Variants in POU6F2 observed in about 807,000 individuals in gnomAD.
POU6F2 encodes POU domain, class 6, transcription factor 2.
A neutral mutation model predicts 71.3 loss-of-function variants in POU6F2; 31 were observed. The observed-to-expected ratio is 0.43, with a 90% CI of 0.33 to 0.59. The LOEUF (loss-of-function observed/expected upper bound fraction) is 0.59. POU6F2 is among the 20% of genes least tolerant of loss of function. The pLI, the probability that POU6F2 is intolerant of heterozygous loss-of-function variation, is 0.04. For synonymous variants in POU6F2, 347 were observed against 355.7 expected (o/e 0.98, Z 0.27); for missense variants, 783 against 856.8 (o/e 0.91, Z 1.07).
rs1040499160 is a variant in POU6F2 at position 39,339,753 on chromosome 7, C to G, written c.710C>G (p.Ala237Gly). ...PPSTNQHPQP[A>G]PQAPSQSQQQ... ...TCAACCAACCAGCACCCGCAACCAG[C>G]CCCACAGGCGCCCTCGCAGTCCCAG... The change falls in exon 5 of 10, where the codon GCC becomes GGC. Residue 237 changes from alanine to glycine, a missense_variant. Physicochemically the swap from Ala to Gly is moderately conservative, Grantham distance 60 (BLOSUM62 0). Coordinates refer to ENST00000518318, the MANE Select transcript of POU6F2 (RefSeq NM_001370959.1). 1 of 1,597,910 alleles carries G rather than the reference C, an allele frequency of 6.3e-7. No individual in the cohort carries two copies.
intron 4 of POU6F2, among the ~76,000 whole-genome samples, chr7:39,286,598 A>C (rs1023680476): frequency 6.6e-6 from 1 of 152,146 alleles, no homozygotes; most frequent in Non-Finnish European, 1.5e-5. Flanking sequence ...TGGACAGGTC[A>C]GATTGTTAGA....
In POU6F2 at chr7:39,460,647, C is replaced by G. The variant is rs747752059; in HGVS notation, c.1590C>G (p.Thr530=). Residue 530 remains threonine (T), a synonymous_variant, in exon 9 of 10, where the codon ACC becomes ACG. Transcript: ENST00000518318. The surrounding 1 kb of genome is among the most constrained non-coding windows in gnomAD (Gnocchi z 4.4). ...FKIRRLSLGL[T]QTQVGQALSA... is the part of the protein sequence containing the mutation. ...TCCGGCGCCTGTCCCTTGGCCTGAC[C>G]CAGACTCAGGTGGGACAGGCTCTCA... is the stretch of plus-strand genomic sequence containing the variant. 12 of 1,609,636 alleles carry G rather than the reference C, an allele frequency of 7.5e-6. No homozygotes were observed. In the Admixed American group the frequency reaches 2.0e-4, roughly 27 times the overall value.
chr7:39,363,780 A>G (rs1016542262), intron 5 of POU6F2, among the ~76,000 whole-genome samples: 1 of 152,022 alleles, frequency 6.6e-6, no homozygotes, highest in Non-Finnish European at 1.5e-5. Flanking sequence ...AAGAAATTTG[A>G]GAATTAACCA....
At chr7:39,185,726 G>A (rs908655784) in intron 2 of POU6F2, among the ~76,000 whole-genome samples, 4 of 151,658 alleles carry the variant, frequency 2.6e-5, no homozygotes, top group African/African-American at 9.7e-5. Flanking sequence ...AGCATATCTG[G>A]CCATCATTCA....
chr7:39,027,553 G>T (rs973881685), intron 1 of POU6F2, among the ~76,000 whole-genome samples: 3 of 152,186 alleles, frequency 2.0e-5, no homozygotes, highest in Admixed American at 2.0e-4. Flanking sequence ...AATCAGAGCA[G>T]CTCTGCTTTT....
At chr7:39,003,518 T>C (rs1788971952) in intron 1 of POU6F2, among the ~76,000 whole-genome samples, 1 of 148,652 alleles carries the variant, frequency 6.7e-6, no homozygotes, top group African/African-American at 2.5e-5. Flanking sequence ...AGGCAGGCGA[T>C]CACGAGGTCA....
intron 1 of POU6F2, among the ~76,000 whole-genome samples, chr7:39,064,734 G>C (rs1790723554): frequency 6.6e-6 from 1 of 151,588 alleles, no homozygotes; most frequent in Non-Finnish European, 1.5e-5. Flanking sequence ...CCTAAAATAA[G>C]ACATAAAACT....
intron 2 of POU6F2, among the ~76,000 whole-genome samples, chr7:39,177,677 T>C (rs1483713892): frequency 6.6e-6 from 1 of 152,208 alleles, no homozygotes; most frequent in Non-Finnish European, 1.5e-5. Flanking sequence ...CTGAATGAGC[T>C]TGGACTCAGA....
At chr7:39,125,005 A>C (rs1212605883) in intron 2 of POU6F2, among the ~76,000 whole-genome samples, 3 of 152,112 alleles carry the variant, frequency 2.0e-5, no homozygotes, top group African/African-American at 7.2e-5. Context: ...GATGTCCTTT[A>C]ATATGTCTAT....
At chr7:39,458,526 C>T (rs1264891774) in intron 8 of POU6F2, among the ~76,000 whole-genome samples, 2 of 152,074 alleles carry the variant, frequency 1.3e-5, no homozygotes, top group Non-Finnish European at 2.9e-5. Flanking sequence ...TCCCACAATC[C>T]TTAGCGAGCC....
At chr7:39,293,773 A>G (rs73382958) in intron 4 of POU6F2, among the ~76,000 whole-genome samples, 5,150 of 152,230 alleles carry the variant, frequency 0.034, 308 homozygotes, top group African/African-American at 0.12. Context: ...GAAACCCGTG[A>G]CTGTTTTTAA....
intron 1 of POU6F2, among the ~76,000 whole-genome samples, chr7:39,031,903 T>C (rs572860602): frequency 6.6e-6 from 1 of 151,990 alleles, no homozygotes; most frequent in African/African-American, 2.4e-5. Context: ...GCACGTGCCT[T>C]ATAATGGGTA....
intron 1 of POU6F2, among the ~76,000 whole-genome samples, chr7:39,016,161 A>T (rs970111002): frequency 1.9e-5 from 2 of 106,598 alleles, no homozygotes; most frequent in Admixed American, 2.3e-4. Flanking sequence ...ATATAGATAT[A>T]ATATTATGTA....
At chr7:39,081,149 AC>A (rs1203840278) in intron 1 of POU6F2, among the ~76,000 whole-genome samples, 6 of 152,254 alleles carry the variant, frequency 3.9e-5, no homozygotes, top group Admixed American at 2.0e-4. Flanking sequence ...TATGCTAACT[AC>A]ACATAAATAA....
chr7:39,197,589 G>T lies in POU6F2; in HGVS notation c.278-6646G>T, dbSNP rs570561486. Among the ~76,000 whole-genome samples the T allele has an allele frequency of 1.1e-4, 16 of 152,356 alleles. 1 individual carries two copies. The South Asian group carries it at 3.1e-3, about 30-fold the overall frequency. On this transcript the variant is annotated intron_variant, in intron 2 of 9. Transcript: ENST00000518318. ...AGAGCCCAGCTATCAGTTGTAAGGA[G>T]ACTATCCAGGGATGGAGCGCAGTGT...
intron 1 of POU6F2, among the ~76,000 whole-genome samples, chr7:39,026,222 C>T (rs866151439): frequency 0.01 from 1,580 of 151,538 alleles, 29 homozygotes; most frequent in African/African-American, 0.036. Context: ...ACTAGAAATA[C>T]CATTTGACCC....
At chr7:39,149,348 T>C (rs1792694035) in intron 2 of POU6F2, among the ~76,000 whole-genome samples, 1 of 152,246 alleles carries the variant, frequency 6.6e-6, no homozygotes, top group South Asian at 2.1e-4. Context: ...ATACTTCTTT[T>C]TTTAAGCATT....
intron 2 of POU6F2, among the ~76,000 whole-genome samples, chr7:39,109,163 A>G (rs1437865070): frequency 6.6e-6 from 1 of 152,088 alleles, no homozygotes; most frequent in Non-Finnish European, 1.5e-5. Flanking sequence ...CTCCTGTCTC[A>G]GCCTCCTGAG....
At chr7:39,080,970 G>C (rs565655936) in intron 1 of POU6F2, among the ~76,000 whole-genome samples, 1 of 152,162 alleles carries the variant, frequency 6.6e-6, no homozygotes, top group East Asian at 1.9e-4. Flanking sequence ...AAAACACAAA[G>C]CCCAAGATGA....
Sources: gnomAD v4.1 joint callset for allele counts (sites outside exome capture counted in the v4.1 genomes callset) on GRCh38, gnomAD v4.1.1 for gene constraint, Gnocchi (gnomAD v3.1) non-coding constraint, MANE v1.5 for transcripts, NCBI Gene and HGNC (gene_info 2026-07-23, HGNC 2026-07-21) for gene names.